Variants in KRT7 observed in about 807,000 individuals in gnomAD.
KRT7 encodes the protein keratin 7.
Under a neutral mutation model 42.8 loss-of-function variants are expected in KRT7, and 50 were observed. That is an observed-to-expected ratio of 1.17 (90% CI 0.93 to 1.48). KRT7 has a LOEUF of 1.48. KRT7 is among the 40% of genes most tolerant of loss of function. The pLI, the probability that KRT7 is intolerant of heterozygous loss-of-function variation, is 0.00. For missense variants in KRT7, 588 were observed against 637.6 expected (o/e 0.92, Z 0.84); for synonymous variants, 268 against 266.3 (o/e 1.01, Z -0.06).
chr12:52,248,373 T>TGGGAGCACATACTCCCAGCA (rs1942208755), intron 8 of KRT7, among the ~76,000 whole-genome samples, 162 bp downstream of exon 8: 4 of 152,086 alleles, frequency 2.6e-5, no homozygotes, highest in Non-Finnish European at 5.9e-5. Flanking sequence ...ACTGCCAGGC[T>TGGGAGCACATACTCCCAGCA]CAATGGCCTG....
At chr12:52,241,442 A>G (rs976258347) in intron 4 of KRT7, 30 bp from the exon 5 acceptor site, 3 of 1,572,836 alleles carry the variant, frequency 1.9e-6, no homozygotes, top group Non-Finnish European at 2.6e-6. Context: ...ATCCTGCCCT[A>G]AGTCCTGATG....
intron 4 of KRT7, 112 bp downstream of exon 4, chr12:52,238,887 A>C: frequency 1.4e-6 from 1 of 706,464 alleles, no homozygotes; most frequent in East Asian, 2.6e-5. Flanking sequence ...AGTGTGAGAA[A>C]CAAACTCATC....
At chr12:52,253,510 C>T (rs1050754746), downstream of KRT7, 4 of 1,572,724 alleles carry the variant, frequency 2.5e-6, no homozygotes, top group East Asian at 6.9e-5. Flanking sequence ...TCCGTAGGGA[C>T]CAGAATCCCC....
At position 52,245,468 on chromosome 12, in the gene KRT7, C is replaced by G. The variant is rs1437710485; in HGVS notation, c.1041C>G (p.Leu347=). 2 of 1,613,988 alleles carry G rather than the reference C, an allele frequency of 1.2e-6. No homozygotes were observed. The highest frequency in any genetic ancestry group is 3.3e-5 in the Admixed American group (2 of 59,998). ...AEAEERGELA[L]KDARAKQEEL... ...CTGAGGAGCGTGGGGAGCTGGCGCT[C>G]AAGGATGCTCGTGCCAAGCAGGAGG... The change falls in exon 7 of 9, where the codon CTC becomes CTG. Residue 347 remains leucine, a synonymous_variant. Transcript: ENST00000331817.
At chr12:52,245,711 C>A in intron 7 of KRT7, 79 bp downstream of exon 7, 1 of 1,564,954 alleles carries the variant, frequency 6.4e-7, no homozygotes, top group Non-Finnish European at 8.7e-7. Flanking sequence ...CATTTACAAG[C>A]ATTTCCTGTA....
At chr12:52,237,726 A>T (rs112794441) in intron 3 of KRT7, 157 bp downstream of exon 3, 10 of 345,224 alleles carry the variant, frequency 2.9e-5, no homozygotes, top group Non-Finnish European at 4.7e-5. Context: ...GGGTGCGTGT[A>T]TGTGTGTGTG....
intron 5 of KRT7, 170 bp downstream of exon 5, chr12:52,241,806 C>A: frequency 1.8e-6 from 1 of 569,032 alleles, no homozygotes; most frequent in Non-Finnish European, 3.1e-6. Flanking sequence ...GATGGGAGGA[C>A]AGGGCAGAGG....
chr12:52,233,905 G>A (rs986680735), intron 1 of KRT7, among the ~76,000 whole-genome samples: 2 of 152,152 alleles, frequency 1.3e-5, no homozygotes, highest in African/African-American at 4.8e-5. Flanking sequence ...GCCCTCGCTG[G>A]CTGCCTGTTG....
rs1941948154 is a variant in KRT7 at position 52,233,271 on chromosome 12, G to A, written c.-26G>A. 3 of 1,505,128 alleles carry A rather than the reference G, an allele frequency of 2.0e-6. No individual in the cohort carries two copies. The highest frequency in any genetic ancestry group is 4.9e-5 in the Admixed American group (2 of 41,232). The allele number at this position is 1,505,128 out of a possible 1,614,324, so 93.2% of individuals were successfully genotyped here. ...GAGTGCGCGCTCCTCCTCGCCCGCC[G>A]CTAGGTCCATCCCGGCCCAGCCACC... On this transcript the variant is annotated 5_prime_UTR_variant, in exon 1 of 9. Transcript: ENST00000331817.
downstream of KRT7, chr12:52,253,293 G>C (rs574550203): frequency 6.2e-7 from 1 of 1,612,776 alleles, no homozygotes. Flanking sequence ...TTGGTGCGGC[G>C]CAGGGTCTCC....
At position 52,233,313 on chromosome 12, in the gene KRT7, G is replaced by A. The variant is rs750082601; in HGVS notation, c.17G>A (p.Ser6Asn). 5 of 1,564,182 alleles carry A rather than the reference G, an allele frequency of 3.2e-6. No individual in the cohort carries two copies. Among genetic ancestry groups the A allele is most frequent in the Non-Finnish European group, 4.3e-6 (5 of 1,161,022 alleles). The change falls in exon 1 of 9, where the codon AGC becomes AAC. Residue 6 changes from serine (S) to asparagine (N), a missense_variant. Ser to Asn is a conservative substitution (Grantham distance 46). Transcript: ENST00000331817. ...CCAGCCACCATGTCCATCCACTTCA[G>A]CTCCCCGGTATTCACCTCGCGCTCA... MSIHF[S>N]SPVFTSRSAA...
At chr12:52,250,196 C>T (rs1332242547), downstream of KRT7, among the ~76,000 whole-genome samples, 1 of 152,228 alleles carries the variant, frequency 6.6e-6, no homozygotes, top group Non-Finnish European at 1.5e-5. Flanking sequence ...GCATCCAGGC[C>T]TCCGGACCGG....
intron 7 of KRT7, chr12:52,247,849 AGGTGCTCAGG>A: frequency 2.7e-6 from 1 of 367,934 alleles, no homozygotes; most frequent in Non-Finnish European, 5.0e-6. Flanking sequence ...ACCGAATCCC[AGGTGCTCAGG>A]GCTTTAGACA....
chr12:52,235,703 A>T (rs991663622), intron 2 of KRT7, among the ~76,000 whole-genome samples: 1 of 152,156 alleles, frequency 6.6e-6, no homozygotes, highest in Non-Finnish European at 1.5e-5. Context: ...GGTGCTTCAG[A>T]ACTGGTATGA....
chr12:52,250,286 G>C (rs1293178188), downstream of KRT7, among the ~76,000 whole-genome samples: 1 of 152,224 alleles, frequency 6.6e-6, no homozygotes, highest in Non-Finnish European at 1.5e-5. Flanking sequence ...CTGTGCTCTC[G>C]GAAGCAGTGA....
intron 4 of KRT7, 124 bp downstream of exon 4, chr12:52,238,899 G>A (rs969170127): frequency 4.0e-5 from 26 of 651,066 alleles, no homozygotes; most frequent in Admixed American, 3.8e-4. Flanking sequence ...AAACTCATCC[G>A]TCCAAACCCA....
At position 52,244,131 on chromosome 12, in the gene KRT7, C is replaced by T. The variant is rs150282848; in HGVS notation, c.984+994C>T. On this transcript the variant is annotated intron_variant, in intron 6 of 8. Transcript: ENST00000331817. Reference sequence around the variant, plus strand: ...GTGGAAGCTTCGGAAAGCTGATTTCCAGATGAGCTGTGGGTGGTGGGGGGA... The same window carrying T: ...GTGGAAGCTTCGGAAAGCTGATTTCTAGATGAGCTGTGGGTGGTGGGGGGA... Among the ~76,000 whole-genome samples, 116 of 152,308 alleles carry T rather than the reference C, an allele frequency of 7.6e-4. 1 individual carries two copies. The Middle Eastern group carries it at 0.017, about 22-fold the overall frequency.
downstream of KRT7, chr12:52,252,549 TG>T: frequency 6.4e-7 from 1 of 1,567,152 alleles, no homozygotes; most frequent in Non-Finnish European, 8.7e-7. Context: ...AGGTAACCAC[TG>T]ACCACTGACT....
At chr12:52,236,383 A>C (rs1446208676) in intron 2 of KRT7, among the ~76,000 whole-genome samples, 1 of 150,314 alleles carries the variant, frequency 6.7e-6, no homozygotes, top group South Asian at 2.1e-4. Context: ...CCCCACCCCA[A>C]ACCCTCAGAG....
Sources: allele counts gnomAD v4.1 joint callset (sites outside exome capture counted in the v4.1 genomes callset), GRCh38; gene constraint gnomAD v4.1.1; transcripts MANE v1.5; gene names NCBI Gene and HGNC (gene_info 2026-07-23, HGNC 2026-07-21).